The following SGCZ variants were observed in gnomAD, a reference collection of about 807,000 sequenced individuals.
SGCZ encodes sarcoglycan zeta, also known as zeta-sarcoglycan.
In SGCZ, 40 loss-of-function variants were observed where a neutral mutation model predicts 41.3. The ratio of observed to expected loss-of-function variants is 0.97; its 90% CI spans 0.75 to 1.26. SGCZ has a LOEUF of 1.26. SGCZ is among the 50% of genes most tolerant of loss of function. SGCZ has a pLI of 0.00. For synonymous variants in SGCZ, 206 were observed against 137.5 expected (o/e 1.50, Z -3.49); for missense variants, 552 against 369.8 (o/e 1.49, Z -4.04).
At chr8:14,484,168 G>T (rs11990163) in intron 2 of SGCZ, among the ~76,000 whole-genome samples, 137,691 of 152,034 alleles carry the variant, frequency 0.91, 63,744 homozygotes, top group East Asian at 1. Context: ...TATTTATTAA[G>T]ATTATGAAAC....
intron 3 of SGCZ, among the ~76,000 whole-genome samples, chr8:14,311,301 C>G (rs1801534386): frequency 1.3e-5 from 2 of 151,956 alleles, no homozygotes; most frequent in South Asian, 4.1e-4. Flanking sequence ...ATAGAAACAA[C>G]TTCAACAAGC....
intron 5 of SGCZ, among the ~76,000 whole-genome samples, chr8:14,124,159 C>G (rs774602768): frequency 2.6e-5 from 4 of 152,110 alleles, no homozygotes; most frequent in Non-Finnish European, 4.4e-5. Context: ...GTTTTGTAAG[C>G]TGCTAAATTT....
intron 1 of SGCZ, among the ~76,000 whole-genome samples, chr8:15,065,413 G>GTAA (rs1442525551): frequency 8.0e-6 from 1 of 125,174 alleles, no homozygotes; most frequent in African/African-American, 3.0e-5. Context: ...ACATGGTATT[G>GTAA]TAATTATTAT....
At chr8:15,016,625 A>G (rs1377820644) in intron 1 of SGCZ, among the ~76,000 whole-genome samples, 1 of 152,164 alleles carries the variant, frequency 6.6e-6, no homozygotes, top group Non-Finnish European at 1.5e-5. Flanking sequence ...GTGCCTCACA[A>G]GTTGCTTTAC....
intron 1 of SGCZ, among the ~76,000 whole-genome samples, chr8:15,186,135 G>C (rs999476352): frequency 6.7e-6 from 1 of 150,266 alleles, no homozygotes; most frequent in African/African-American, 2.4e-5. Flanking sequence ...GGCGGAGGGC[G>C]CCTGTAGTCC....
At chr8:14,358,973 T>C (rs1231216437) in intron 2 of SGCZ, among the ~76,000 whole-genome samples, 3 of 152,186 alleles carry the variant, frequency 2.0e-5, no homozygotes, top group Non-Finnish European at 2.9e-5. Context: ...ACTTTGGACC[T>C]GCTCTTTTGT....
intron 2 of SGCZ, among the ~76,000 whole-genome samples, chr8:14,428,739 A>G (rs1235409681): frequency 6.6e-6 from 1 of 152,202 alleles, no homozygotes; most frequent in African/African-American, 2.4e-5. Flanking sequence ...AGGCTCTGGT[A>G]GTTCATACAT....
chr8:14,490,813 G>C (rs1180676689), intron 2 of SGCZ, among the ~76,000 whole-genome samples: 3 of 26,708 alleles, frequency 1.1e-4, no homozygotes, highest in South Asian at 2.5e-3. Context: ...GGTGAGAATT[G>C]ATCATTTCAA....
At chr8:14,771,097 T>C (rs376146399) in intron 1 of SGCZ, among the ~76,000 whole-genome samples, 17 of 152,086 alleles carry the variant, frequency 1.1e-4, no homozygotes, top group African/African-American at 3.9e-4. Context: ...TCATGGAATA[T>C]ATGGTGTAGT....
In SGCZ at chr8:14,214,156, A is replaced by T. The variant is rs531782485; in HGVS notation, c.424+23436T>A. Among the ~76,000 whole-genome samples the T allele has an allele frequency of 8.5e-5, 13 of 152,280 alleles. No homozygotes were observed. In the South Asian group the frequency reaches 2.7e-3, roughly 32 times the overall value. On this transcript the variant is annotated intron_variant, in intron 4 of 7. Coordinates refer to ENST00000382080, the MANE Select transcript of SGCZ (RefSeq NM_139167.4). ...TATGATGTGATGATAATATTGTGCTACTTCTGTCCTCCCCAGAACACATTA... is the reference window on the plus strand; with the variant it reads ...TATGATGTGATGATAATATTGTGCTTCTTCTGTCCTCCCCAGAACACATTA...
chr8:14,778,324 C>G (rs1003958806), intron 1 of SGCZ, among the ~76,000 whole-genome samples: 1 of 152,140 alleles, frequency 6.6e-6, no homozygotes, highest in Non-Finnish European at 1.5e-5. Context: ...AATAGGATTT[C>G]TCAAGAGAGG....
At chr8:14,935,081 A>C (rs1409632909) in intron 1 of SGCZ, among the ~76,000 whole-genome samples, 1 of 151,622 alleles carries the variant, frequency 6.6e-6, no homozygotes, top group Non-Finnish European at 1.5e-5. Flanking sequence ...AATATAGCTA[A>C]AGAATATTAT....
At chr8:14,363,639 T>C (rs112661628) in intron 2 of SGCZ, among the ~76,000 whole-genome samples, 1,715 of 152,258 alleles carry the variant, frequency 0.011, 31 homozygotes, top group African/African-American at 0.038. Context: ...TAAGAAAAAG[T>C]AAGGAGCATT....
chr8:14,932,464 G>A (rs895772411), intron 1 of SGCZ, among the ~76,000 whole-genome samples: 2 of 151,972 alleles, frequency 1.3e-5, no homozygotes, highest in East Asian at 3.9e-4. Flanking sequence ...AGTAAAGTTG[G>A]TGCATTCGTT....
intron 4 of SGCZ, among the ~76,000 whole-genome samples, chr8:14,232,850 T>G (rs1376303490): frequency 6.6e-6 from 1 of 152,092 alleles, no homozygotes; most frequent in Non-Finnish European, 1.5e-5. Context: ...TACAAGATCC[T>G]ATTTAAAGCA....
intron 4 of SGCZ, among the ~76,000 whole-genome samples, chr8:14,173,167 G>T (rs528628350): frequency 4.7e-5 from 6 of 127,098 alleles, no homozygotes; most frequent in African/African-American, 1.2e-4. Context: ...CCTGCTTTGA[G>T]AGTTTTTTTT....
At chr8:14,444,029 G>T (rs984411372) in intron 2 of SGCZ, among the ~76,000 whole-genome samples, 4 of 152,148 alleles carry the variant, frequency 2.6e-5, no homozygotes, top group African/African-American at 9.7e-5. Context: ...CTCAAAAGAA[G>T]ACATTTATGC....
intron 2 of SGCZ, among the ~76,000 whole-genome samples, chr8:14,444,068 T>C (rs1384268564): frequency 3.3e-5 from 5 of 152,254 alleles, no homozygotes; most frequent in African/African-American, 4.8e-5. Context: ...AAAATGCTCA[T>C]CATCACTGGC....
intron 5 of SGCZ, among the ~76,000 whole-genome samples, chr8:14,148,502 A>G (rs576576528): frequency 2.0e-5 from 3 of 152,068 alleles, no homozygotes; most frequent in South Asian, 4.1e-4. Flanking sequence ...CAAAACCTGA[A>G]CAGACCAATA....
Sources: allele counts gnomAD v4.1 joint callset (sites outside exome capture counted in the v4.1 genomes callset), GRCh38; gene constraint gnomAD v4.1.1; transcripts MANE v1.5; gene names NCBI Gene and HGNC (gene_info 2026-07-23, HGNC 2026-07-21).